Variants in PAM observed in about 807,000 individuals in gnomAD.
PAM encodes the protein peptidyl-glycine alpha-amidating monooxygenase.
A neutral mutation model predicts 122.1 loss-of-function variants in PAM; 72 were observed. The observed-to-expected ratio is 0.59, with a 90% CI of 0.49 to 0.72. PAM has a LOEUF of 0.72. Ranked by LOEUF, PAM falls within the 30% of genes least tolerant of loss-of-function variation. PAM has a pLI of 0.00. For missense variants in PAM, 1,106 were observed against 1,183.7 expected (o/e 0.93, Z 0.96); for synonymous variants, 389 against 404.4 (o/e 0.96, Z 0.46).
intron 1 of PAM, among the ~76,000 whole-genome samples, chr5:102,858,093 A>G (rs1188286994): frequency 1.3e-5 from 2 of 152,242 alleles, no homozygotes; most frequent in Admixed American, 1.3e-4. Flanking sequence ...GCAAGATTAT[A>G]CACGCAAAAT....
chr5:103,015,906 T>C (rs906382897), intron 21 of PAM, among the ~76,000 whole-genome samples: 1 of 152,206 alleles, frequency 6.6e-6, no homozygotes, highest in Non-Finnish European at 1.5e-5. Flanking sequence ...CCTCCTCACC[T>C]TTATTCCCCC....
rs1785439586 is a variant in PAM at position 102,866,004 on chromosome 5, G to A, written c.-192G>A. On this transcript the variant is annotated 5_prime_UTR_variant, in exon 2 of 26. Coordinates refer to ENST00000438793, the MANE Select transcript of PAM (RefSeq NM_001177306.2). ...GCCTGCCCACGGCTTTTTGCCCGCC[G>A]CTCGTGACCGAGACGCCTCGCCGCG... is the stretch of plus-strand genomic sequence containing the variant. 1 of 454,152 alleles carries A rather than the reference G, an allele frequency of 2.2e-6. No homozygotes were observed. Among genetic ancestry groups the A allele is most frequent in the Non-Finnish European group, 3.8e-6 (1 of 261,880 alleles). 28.1% of individuals were successfully genotyped at this position (454,152 alleles called of 1,614,324 possible). A position where few individuals can be genotyped will look rare whatever the true frequency, so the allele number is the denominator to read the frequency against.
In PAM at chr5:102,912,212, A is replaced by T. The variant is rs72783884; in HGVS notation, c.269-1722A>T. ...ATAATAAGATCTTCTGAGGGGAGGA[A>T]GTCATGTAATCATCTACATAGGTTC... On this transcript the variant is annotated intron_variant, in intron 4 of 25. Coordinates refer to ENST00000438793, the MANE Select transcript of PAM (RefSeq NM_001177306.2). Among the ~76,000 whole-genome samples, 1,013 of 152,136 alleles carry T rather than the reference A, an allele frequency of 6.7e-3. 6 individuals are homozygous for T. Among genetic ancestry groups the T allele is most frequent in the Non-Finnish European group, 0.012 (782 of 67,956 alleles).
At chr5:102,761,162 C>T (rs1359637567) in intron 1 of PAM, among the ~76,000 whole-genome samples, 1 of 152,198 alleles carries the variant, frequency 6.6e-6, no homozygotes, top group Non-Finnish European at 1.5e-5. Context: ...AACAAGATTT[C>T]CAGATGGCTC....
chr5:102,982,146 A>G (rs896560178), intron 15 of PAM, among the ~76,000 whole-genome samples: 4 of 151,776 alleles, frequency 2.6e-5, no homozygotes, highest in Non-Finnish European at 4.4e-5. Flanking sequence ...GTCTACCACC[A>G]CTGGTGTCTG....
intron 3 of PAM, 82 bp from the exon 4 acceptor site, chr5:102,901,274 A>G: frequency 1.2e-6 from 1 of 818,612 alleles, no homozygotes; most frequent in Non-Finnish European, 2.0e-6. Context: ...TTTTACAGTC[A>G]TAGAAGCCAC....
chr5:102,859,101 T>C (rs1413344565), intron 1 of PAM, among the ~76,000 whole-genome samples: 1 of 152,250 alleles, frequency 6.6e-6, no homozygotes, highest in Non-Finnish European at 1.5e-5. Context: ...GTTATTGGTT[T>C]ATGCATTTAC....
At chr5:102,880,165 C>G (rs776189652) in intron 3 of PAM, among the ~76,000 whole-genome samples, 7 of 151,914 alleles carry the variant, frequency 4.6e-5, no homozygotes, top group African/African-American at 9.7e-5. Context: ...CCTGCTTTCC[C>G]AGCTACTTGG....
chr5:103,007,048 T>G (rs764237782), intron 19 of PAM, 37 bp downstream of exon 19: 1 of 1,434,696 alleles, frequency 7.0e-7, no homozygotes, highest in African/African-American at 1.4e-5. Context: ...GTTGTAATTC[T>G]TAGCCAGTAT....
intron 3 of PAM, among the ~76,000 whole-genome samples, chr5:102,878,512 AG>A (rs1461225454): frequency 6.6e-6 from 1 of 152,134 alleles, no homozygotes; most frequent in Admixed American, 6.6e-5. Flanking sequence ...AAAAAAATAA[AG>A]GTTTATTTTA....
chr5:102,948,535 TAATC>T (rs950512048), intron 9 of PAM, 90 bp downstream of exon 9: 8 of 667,502 alleles, frequency 1.2e-5, no homozygotes, highest in African/African-American at 9.3e-5. Context: ...ACTTTAAAAA[TAATC>T]AATATTTTTA....
intron 1 of PAM, among the ~76,000 whole-genome samples, chr5:102,801,770 G>GTTTTTTTTTTTTTTTTT (rs1378058562): frequency 7.1e-6 from 1 of 140,358 alleles, no homozygotes; most frequent in African/African-American, 2.8e-5. Flanking sequence ...TAGGGAAAAG[G>GTTTTTTTTTTTTTTTTT]TATTTTTTTT....
At chr5:102,895,237 G>A (rs759204823) in intron 3 of PAM, among the ~76,000 whole-genome samples, 1 of 151,708 alleles carries the variant, frequency 6.6e-6, no homozygotes, top group East Asian at 1.9e-4. Context: ...CCTTGACCTA[G>A]AGCATTTCCT....
At chr5:102,790,938 G>A (rs1381596295) in intron 1 of PAM, among the ~76,000 whole-genome samples, 2 of 152,036 alleles carry the variant, frequency 1.3e-5, no homozygotes, top group African/African-American at 4.8e-5. Flanking sequence ...CCATTCTGCT[G>A]TTCTGTTCAT....
intron 7 of PAM, among the ~76,000 whole-genome samples, chr5:102,935,095 C>T (rs1234668858): frequency 1.3e-5 from 2 of 151,734 alleles, no homozygotes; most frequent in African/African-American, 2.4e-5. Context: ...CTTGTAATAC[C>T]CCTACTATTG....
At position 103,007,597 on chromosome 5, in the gene PAM, G is replaced by T; in HGVS notation, c.2155G>T (p.Val719Leu). ...QCFKTDTKEF[V>L]REIKHSSFGR... is the part of the protein sequence containing the mutation. ...TTTTAAAACTGACACCAAAGAATTT[G>T]TGAGAGAGATTAAGCATTCATCATT... The change falls in exon 20 of 26, where the codon GTG becomes TTG. Residue 719 changes from valine to leucine, a missense_variant. Physicochemically the swap from Val to Leu is conservative, Grantham distance 32. Coordinates refer to ENST00000438793, the MANE Select transcript of PAM (RefSeq NM_001177306.2). 6.2e-7 allele frequency: 1 copy of T among 1,613,640 alleles called. No individual in the cohort carries two copies. The highest frequency in any genetic ancestry group is 8.5e-7 in the Non-Finnish European group (1 of 1,179,596).
intron 1 of PAM, among the ~76,000 whole-genome samples, chr5:102,842,387 A>G (rs939372012): frequency 6.6e-6 from 1 of 152,134 alleles, no homozygotes; most frequent in Non-Finnish European, 1.5e-5. Flanking sequence ...TGTTGTTCTC[A>G]TGATAGCGAA....
rs1377703236 is a variant in PAM, at chr5:102,912,509, G to A, written c.269-1425G>A. On this transcript the variant is annotated intron_variant, in intron 4 of 25. Transcript: ENST00000438793. ...AAAGATCCCTGGTAGGATTCTGGAA[G>A]GGAGGAAGGAAATCCTGCACTCAAC... 2.0e-5 allele frequency among the ~76,000 whole-genome samples: 3 copies of A among 151,936 alleles called. No homozygotes were observed. In the South Asian group the frequency reaches 6.2e-4, roughly 31 times the overall value.
chr5:102,854,422 G>T (rs1351194413), intron 1 of PAM, among the ~76,000 whole-genome samples: 1 of 151,936 alleles, frequency 6.6e-6, no homozygotes, highest in Non-Finnish European at 1.5e-5. Flanking sequence ...ATTTTTCTGC[G>T]ACTTAAAAAC....
Sources: gnomAD v4.1 joint callset for allele counts (sites outside exome capture counted in the v4.1 genomes callset) on GRCh38, gnomAD v4.1.1 for gene constraint, MANE v1.5 for transcripts, NCBI Gene and HGNC (gene_info 2026-07-23, HGNC 2026-07-21) for gene names.